MLIP: variants seen among roughly 807,000 people sequenced by gnomAD.
The protein encoded by MLIP is muscular LMNA-interacting protein.
MLIP carries 79 observed loss-of-function variants against 84.8 expected under a neutral mutation model. The ratio of observed to expected loss-of-function variants is 0.93; its 90% CI spans 0.78 to 1.12. The LOEUF is 1.12. MLIP is among the 50% of genes most tolerant of loss of function. The pLI is 0.00. For missense variants in MLIP, 1,257 were observed against 1,160.6 expected (o/e 1.08, Z -1.21); for synonymous variants, 504 against 463.0 (o/e 1.09, Z -1.14).
At chr6:54,170,111 A>G (rs1775625203) in intron 9 of MLIP, among the ~76,000 whole-genome samples, 1 of 151,640 alleles carries the variant, frequency 6.6e-6, no homozygotes, top group South Asian at 2.1e-4. Flanking sequence ...AGTGTGTTAG[A>G]CATAAACCTG....
chr6:54,055,034 C>A (rs1297404677), intron 1 of MLIP, among the ~76,000 whole-genome samples: 1 of 152,036 alleles, frequency 6.6e-6, no homozygotes, highest in Non-Finnish European at 1.5e-5. Context: ...ACTACAGGCG[C>A]CCGCCACCAC....
intron 11 of MLIP, among the ~76,000 whole-genome samples, chr6:54,230,210 T>C (rs968780213): frequency 1.3e-5 from 2 of 152,118 alleles, no homozygotes; most frequent in African/African-American, 2.4e-5. Flanking sequence ...CAAACTCAAC[T>C]CCGAAACTTA....
In MLIP at chr6:54,216,806, A is replaced by G. The variant is rs1016045847; in HGVS notation, c.2719-13908A>G. On this transcript the variant is annotated intron_variant, in intron 11 of 13. Transcript: ENST00000502396. ...TATGCCATATAATCGAAACCAATTT[A>G]TATTGGCTTTATCTTAGTGAAATGT... 4.1e-6 allele frequency: 4 copies of G among 985,262 alleles called. No homozygotes were observed. In the African/African-American group the frequency reaches 5.2e-5, roughly 13 times the overall value. The allele number at this position is 985,262 out of a possible 1,614,324, so 61.0% of individuals were successfully genotyped here.
intron 1 of MLIP, among the ~76,000 whole-genome samples, chr6:54,022,307 G>A (rs552906391): frequency 5.3e-5 from 8 of 152,266 alleles, no homozygotes; most frequent in South Asian, 4.2e-4. Context: ...TCCTAAACTC[G>A]CCTATCACTG....
rs1782827523 is a variant in MLIP, at chr6:54,254,128, T to C, written c.2923-3180T>C. ...ACCTACGTAGAACTTGTTTTTTTGC[T>C]GTTTTTTTTTTTTTTTTACGTGGAG... On this transcript the variant is annotated intron_variant, in intron 12 of 13. Transcript: ENST00000502396. Among the ~76,000 whole-genome samples, 3 of 131,690 alleles carry C rather than the reference T, an allele frequency of 2.3e-5. No homozygotes were observed. The South Asian group carries it at 6.9e-4, about 30-fold the overall frequency. 86.4% of individuals were successfully genotyped at this position (131,690 alleles called of 152,430 possible).
rs16884645 is a variant in MLIP at position 54,049,959 on chromosome 6, A to G, written c.63+30868A>G. The stretch of plus-strand genomic sequence containing the variant: ...GTACTCTGGTTGAAATGTTGGTGAC[A>G]GTTTAATAATTGTCTCAGAATTAAA... On this transcript the variant is annotated intron_variant, in intron 1 of 12. Transcript: ENST00000274897. Among the ~76,000 whole-genome samples, 3,115 of 152,292 alleles carry G rather than the reference A, an allele frequency of 0.02. 182 individuals are homozygous for G. The East Asian group carries it at 0.22, about 11-fold the overall frequency.
At chr6:54,049,368 C>T (rs1253358483) in intron 1 of MLIP, among the ~76,000 whole-genome samples, 1 of 152,152 alleles carries the variant, frequency 6.6e-6, no homozygotes, top group Non-Finnish European at 1.5e-5. Context: ...CTTGCTTGCT[C>T]ACACTTCTGC....
At chr6:54,081,589 T>C (rs980245597) in intron 1 of MLIP, among the ~76,000 whole-genome samples, 13 of 152,100 alleles carry the variant, frequency 8.5e-5, no homozygotes, top group Non-Finnish European at 1.5e-4. Context: ...TTTTTTGTAT[T>C]TTTAGTTGAG....
At chr6:54,030,852 G>T (rs1258031533) in intron 1 of MLIP, among the ~76,000 whole-genome samples, 1 of 152,044 alleles carries the variant, frequency 6.6e-6, no homozygotes, top group Non-Finnish European at 1.5e-5. Flanking sequence ...ATGAAGCAAA[G>T]AAATATACAA....
At chr6:54,200,637 A>G (rs1237713724) in intron 10 of MLIP, among the ~76,000 whole-genome samples, 7 of 131,624 alleles carry the variant, frequency 5.3e-5, no homozygotes, top group African/African-American at 1.8e-4. Flanking sequence ...TTTTTTTGGC[A>G]GCACTTAATG....
At chr6:54,023,632 C>G (rs1304312725) in intron 1 of MLIP, among the ~76,000 whole-genome samples, 4 of 152,074 alleles carry the variant, frequency 2.6e-5, no homozygotes, top group Admixed American at 2.0e-4. Context: ...TGCAGTGGTG[C>G]GATCTCGGCT....
intron 1 of MLIP, among the ~76,000 whole-genome samples, chr6:54,078,251 A>T (rs945190947): frequency 5.3e-5 from 8 of 152,188 alleles, no homozygotes; most frequent in Non-Finnish European, 7.3e-5. Context: ...GTAATAACTT[A>T]AGCAGTTCTC....
At chr6:54,243,799 T>C (rs909399836) in intron 12 of MLIP, among the ~76,000 whole-genome samples, 2 of 152,098 alleles carry the variant, frequency 1.3e-5, no homozygotes, top group African/African-American at 4.8e-5. Flanking sequence ...CCCAGCACCA[T>C]ATATGTAAAT....
chr6:54,130,582 G>C lies in MLIP; in HGVS notation c.645+5717G>C, dbSNP rs555202669. 3.9e-5 allele frequency among the ~76,000 whole-genome samples: 6 copies of C among 152,156 alleles called. No homozygotes were observed. The East Asian group carries it at 1.2e-3, about 29-fold the overall frequency. On this transcript the variant is annotated intron_variant, in intron 3 of 13. Transcript: ENST00000502396. Reference sequence around the variant, plus strand: ...TTTTATTCCTGTATGAAGGTAGTAGGCTAGGCACTAGACACTAGGGGTACA... The same window carrying C: ...TTTTATTCCTGTATGAAGGTAGTAGCCTAGGCACTAGACACTAGGGGTACA...
intron 9 of MLIP, among the ~76,000 whole-genome samples, chr6:54,189,538 C>T (rs1422689111): frequency 6.6e-6 from 1 of 151,928 alleles, no homozygotes; most frequent in Non-Finnish European, 1.5e-5. Context: ...GTGAAGAATA[C>T]AAAGAATGAA....
At chr6:54,177,012 A>G (rs1776357011) in intron 9 of MLIP, among the ~76,000 whole-genome samples, 1 of 152,198 alleles carries the variant, frequency 6.6e-6, no homozygotes, top group African/African-American at 2.4e-5. Flanking sequence ...CAGAAAATTG[A>G]AACTGGACCC....
At chr6:54,086,090 T>G in intron 1 of MLIP, among the ~76,000 whole-genome samples, 1 of 152,196 alleles carries the variant, frequency 6.6e-6, no homozygotes, top group South Asian at 2.1e-4. Flanking sequence ...AAATACTCCA[T>G]ATTTTTCAGT....
At chr6:54,192,711 C>G (rs1173664527) in intron 10 of MLIP, among the ~76,000 whole-genome samples, 1 of 151,688 alleles carries the variant, frequency 6.6e-6, no homozygotes, top group African/African-American at 2.4e-5. Context: ...ATATACACAT[C>G]TTTGTTTATA....
intron 9 of MLIP, among the ~76,000 whole-genome samples, chr6:54,172,365 A>C (rs755937699): frequency 4.6e-5 from 7 of 151,610 alleles, no homozygotes; most frequent in Admixed American, 2.6e-4. Context: ...GATTCGACAA[A>C]TATTTATTGA....
Sources: allele counts gnomAD v4.1 joint callset (sites outside exome capture counted in the v4.1 genomes callset), GRCh38; gene constraint gnomAD v4.1.1; transcripts MANE v1.5; gene names NCBI Gene and HGNC (gene_info 2026-07-23, HGNC 2026-07-21).